The following CYP11A1 variants were observed in gnomAD, a reference collection of about 807,000 sequenced individuals.
The protein encoded by CYP11A1 is cholesterol side-chain cleavage enzyme, mitochondrial.
A neutral mutation model predicts 51.9 loss-of-function variants in CYP11A1; 25 were observed. That is an observed-to-expected ratio of 0.48 (90% CI 0.35 to 0.67). The LOEUF (loss-of-function observed/expected upper bound fraction) is 0.67. CYP11A1 is among the 30% of genes least tolerant of loss of function. CYP11A1 has a pLI of 0.00. For synonymous variants in CYP11A1, 245 were observed against 262.1 expected (o/e 0.93, Z 0.63); for missense variants, 578 against 680.9 (o/e 0.85, Z 1.68).
chr15:74,367,495 T>C lies in CYP11A1; in HGVS notation c.91A>G (p.Arg31Gly). 1.2e-6 allele frequency: 2 copies of C among 1,614,160 alleles called. No individual in the cohort carries two copies. Among genetic ancestry groups the C allele is most frequent in the Non-Finnish European group, 1.7e-6 (2 of 1,179,994 alleles). The change falls in exon 1 of 9, where the codon AGG becomes GGG. Residue 31 changes from arginine (R) to glycine (G), a missense_variant. Coordinates refer to ENST00000268053, the MANE Select transcript of CYP11A1 (RefSeq NM_000781.3). ...CCAGCTCCCTCGCCAGTGGGCACCC[T>C]GAGACGCCCCAGCCCCTCCCTGGGG... ...SAPREGLGRL[R>G]VPTGEGAGIS...
At position 74,345,656 on chromosome 15, in the gene CYP11A1, A is replaced by G. The variant is rs1406330472; in HGVS notation, c.426-413T>C. ...GGGCCCCTCTATATAACATTTTCTG[A>G]CTCTTGCACAAACAAAATTGACCAG... On this transcript the variant is annotated intron_variant, in intron 2 of 8. Transcript: ENST00000268053. The surrounding 1 kb of genome is among the most constrained non-coding windows in gnomAD (Gnocchi z 4.3). Among the ~76,000 whole-genome samples, 9 of 151,390 alleles carry G rather than the reference A, an allele frequency of 5.9e-5. No individual in the cohort carries two copies. The South Asian group carries it at 1.7e-3, about 28-fold the overall frequency.
intron 1 of CYP11A1, chr15:74,366,309 T>A: frequency 1.1e-6 from 1 of 933,838 alleles, no homozygotes; most frequent in Non-Finnish European, 1.3e-6. Context: ...TGAGACAGAG[T>A]TTCGCTTTTG....
Position 74,345,080 on chromosome 15 carries a change from C to G in CYP11A1, c.589G>C (p.Asp197His), listed in dbSNP as rs886051480. 3 of 1,614,062 alleles carry G rather than the reference C, an allele frequency of 1.9e-6. No individual in the cohort carries two copies. The highest frequency in any genetic ancestry group is 2.5e-6 in the Non-Finnish European group (3 of 1,179,932). Reference sequence around the variant, plus strand: ...AAGCGGAACAGGTCATCACTGATGTCCCCCGAGTAATTTCCGGAGCCCGCC... The same window carrying G: ...AAGCGGAACAGGTCATCACTGATGTGCCCCGAGTAATTTCCGGAGCCCGCC... The part of the protein sequence containing the change: ...KKAGSGNYSG[D>H]ISDDLFRFAF... Residue 197 changes from aspartate to histidine, a missense_variant, in exon 3 of 9, where the codon GAC (aspartate) becomes CAC (histidine). Physicochemically the swap from Asp to His is moderately conservative, Grantham distance 81. Coordinates refer to ENST00000268053, the MANE Select transcript of CYP11A1 (RefSeq NM_000781.3). The surrounding 1 kb of genome is among the most constrained non-coding windows in gnomAD (Gnocchi z 4.3).
Position 74,355,133 on chromosome 15 carries a change from C to T in CYP11A1, c.270-7078G>A, listed in dbSNP as rs191431535. On this transcript the variant is annotated intron_variant, in intron 1 of 8. Transcript: ENST00000268053. Reference sequence around the variant, plus strand: ...CTATCCTCTCTTTTCTCTGGGCTTACCTCCTTCACTATGGGCAAACTTCCA... The same window carrying T: ...CTATCCTCTCTTTTCTCTGGGCTTATCTCCTTCACTATGGGCAAACTTCCA... Among the ~76,000 whole-genome samples, 62 of 110,728 alleles carry T rather than the reference C, an allele frequency of 5.6e-4. 1 individual carries two copies. The East Asian group carries it at 6.7e-3, about 12-fold the overall frequency. The allele number at this position is 110,728 out of a possible 152,430, so 72.6% of individuals were successfully genotyped here.
intron 8 of CYP11A1, 35 bp downstream of exon 8, chr15:74,338,536 G>C: frequency 6.2e-7 from 1 of 1,608,440 alleles, no homozygotes; most frequent in Non-Finnish European, 8.5e-7. Flanking sequence ...GCCAGGGCCA[G>C]CCCAGGGTGC....
intron 1 of CYP11A1, chr15:74,362,582 GC>G (rs2060713771): frequency 2.0e-5 from 3 of 153,596 alleles, no homozygotes; most frequent in African/African-American, 7.2e-5. Context: ...ACTGAGAAGG[GC>G]CCCTCCATGC....
chr15:74,344,110 C>A, intron 3 of CYP11A1, 118 bp from the exon 4 acceptor site: 1 of 788,582 alleles, frequency 1.3e-6, no homozygotes, highest in East Asian at 2.6e-5. Context: ...TGCCCCTACC[C>A]TCAGCCTCCT....
chr15:74,339,424 A>G, intron 6 of CYP11A1, 109 bp from the exon 7 acceptor site: 1 of 1,393,334 alleles, frequency 7.2e-7, no homozygotes, highest in Non-Finnish European at 1.0e-6. Context: ...GCCTGGGGGG[A>G]CCTGGGGGTA....
chr15:74,343,767 G>A (rs1435561889), intron 4 of CYP11A1, 22 bp downstream of exon 4: 1 of 1,604,024 alleles, frequency 6.2e-7, no homozygotes, highest in Non-Finnish European at 8.5e-7. Flanking sequence ...GAGGAGGAGA[G>A]CACAGCCAGA....
chr15:74,362,971 T>C (rs2060715882), intron 1 of CYP11A1: 2 of 152,206 alleles, frequency 1.3e-5, no homozygotes, highest in South Asian at 2.1e-4. Flanking sequence ...AAAGAGAACA[T>C]TGCCAGAAGT....
intron 5 of CYP11A1, among the ~76,000 whole-genome samples, chr15:74,341,755 C>G (rs541721563): frequency 6.6e-6 from 1 of 152,158 alleles, no homozygotes; most frequent in African/African-American, 2.4e-5. Flanking sequence ...GGAGATAGAA[C>G]CTTTAAAGAT....
At chr15:74,338,891 C>T in intron 7 of CYP11A1, 123 bp from the exon 8 acceptor site, 1 of 892,218 alleles carries the variant, frequency 1.1e-6, no homozygotes, top group Non-Finnish European at 1.8e-6. Context: ...GGCTGCCCAG[C>T]TCTCCAGGGC....
intron 1 of CYP11A1, chr15:74,364,704 A>T (rs570621132): frequency 1.3e-5 from 2 of 152,394 alleles, no homozygotes; most frequent in African/African-American, 4.8e-5. Context: ...GGGCTTAATA[A>T]AATAAGGAGT....
intron 1 of CYP11A1, among the ~76,000 whole-genome samples, chr15:74,360,047 T>C (rs2141244848): frequency 6.6e-6 from 1 of 152,356 alleles, no homozygotes; most frequent in Admixed American, 6.5e-5. Context: ...TTCAAGATTA[T>C]TGGAAAAATA....
At chr15:74,349,298 C>A (rs770387283) in intron 1 of CYP11A1, among the ~76,000 whole-genome samples, 1 of 152,204 alleles carries the variant, frequency 6.6e-6, no homozygotes, top group African/African-American at 2.4e-5. Context: ...TTCTTGCTAG[C>A]CTCTGCCTTT....
intron 1 of CYP11A1, chr15:74,366,024 C>A: frequency 2.0e-6 from 2 of 986,082 alleles, no homozygotes; most frequent in Non-Finnish European, 2.4e-6. Context: ...GCCTGGACCT[C>A]GCCCTGAGGT....
chr15:74,342,956 C>G, intron 5 of CYP11A1, 21 bp downstream of exon 5: 1 of 1,611,346 alleles, frequency 6.2e-7, no homozygotes, highest in Non-Finnish European at 8.5e-7. Flanking sequence ...CAACAAGGTG[C>G]CGCCCCTACA....
At chr15:74,349,228 T>A (rs1485291313) in intron 1 of CYP11A1, among the ~76,000 whole-genome samples, 2 of 152,200 alleles carry the variant, frequency 1.3e-5, no homozygotes, top group Non-Finnish European at 2.9e-5. Flanking sequence ...TTAATTCTGT[T>A]GTTTAAGCAA....
intron 1 of CYP11A1, chr15:74,350,121 T>C (rs2060649224): frequency 2.5e-6 from 1 of 394,936 alleles, no homozygotes; most frequent in Admixed American, 3.8e-5. Flanking sequence ...CCTTGATATA[T>C]TGTTGTGAGA....
Sources: allele counts gnomAD v4.1 joint callset (sites outside exome capture counted in the v4.1 genomes callset), GRCh38; gene constraint gnomAD v4.1.1; non-coding constraint Gnocchi (gnomAD v3.1); transcripts MANE v1.5; gene names NCBI Gene and HGNC (gene_info 2026-07-23, HGNC 2026-07-21).